Variants in EDA observed in about 807,000 individuals in gnomAD.
EDA encodes the protein ectodysplasin-A.
In EDA, 2 loss-of-function variants were observed where a neutral mutation model predicts 23.6. That is an observed-to-expected ratio of 0.08 (90% CI 0.03 to 0.27). The LOEUF (loss-of-function observed/expected upper bound fraction) is 0.27, where lower values mean the gene tolerates loss of function less well. Among genes scored for constraint, EDA ranks in the 10% least tolerant of loss-of-function variants. The pLI is 1.00. For missense variants in EDA, 229 were observed against 324.2 expected (o/e 0.71, Z 2.26); for synonymous variants, 131 against 132.0 (o/e 0.99, Z 0.05).
chrX:69,884,178 T>A (rs1315553005), intron 1 of EDA, among the ~76,000 whole-genome samples: 1 of 112,290 alleles, frequency 8.9e-6, no homozygotes, highest in Non-Finnish European at 1.9e-5. Flanking sequence ...TAGTAGTAGT[T>A]GACATATTTC....
chrX:69,882,672 C>T (rs1175654826), intron 1 of EDA, among the ~76,000 whole-genome samples: 1 of 107,160 alleles, frequency 9.3e-6, no homozygotes, highest in African/African-American at 3.4e-5. Context: ...ACACTGGTGG[C>T]GCATATTCAG....
chrX:69,921,377 A>G (rs997181286), intron 1 of EDA, among the ~76,000 whole-genome samples: 4 of 111,717 alleles, frequency 3.6e-5, no homozygotes, highest in African/African-American at 1.3e-4. Context: ...GTATGTATAC[A>G]CATATCTATG....
intron 1 of EDA, among the ~76,000 whole-genome samples, chrX:69,634,887 A>G: frequency 8.9e-6 from 1 of 112,271 alleles, no homozygotes. Flanking sequence ...GTAACATTGT[A>G]GTACAATGCA....
chrX:69,923,967 C>T (rs1280591176), intron 1 of EDA, among the ~76,000 whole-genome samples: 2 of 111,314 alleles, frequency 1.8e-5, no homozygotes, highest in Non-Finnish European at 3.8e-5. Context: ...ATGTAAATGT[C>T]TTCTTTTGAG....
At chrX:69,665,110 C>T (rs1933638854) in intron 1 of EDA, among the ~76,000 whole-genome samples, 1 of 111,679 alleles carries the variant, frequency 9.0e-6, no homozygotes, top group Non-Finnish European at 1.9e-5. Flanking sequence ...TTTATGTATT[C>T]TTTAAAGAAA....
intron 1 of EDA, among the ~76,000 whole-genome samples, chrX:69,701,616 G>A (rs2011535610): frequency 8.9e-6 from 1 of 111,810 alleles, no homozygotes; most frequent in African/African-American, 3.3e-5. Flanking sequence ...TGAAGCTTGC[G>A]CCAGATATCG....
intron 1 of EDA, among the ~76,000 whole-genome samples, chrX:69,751,214 A>AC (rs2013839773): frequency 7.3e-3 from 1 of 137 alleles, no homozygotes; most frequent in South Asian, 0.091. Flanking sequence ...AGGTGTAAGG[A>AC]AGGATCCAGT....
At chrX:69,930,165 A>G (rs1465643472) in intron 1 of EDA, among the ~76,000 whole-genome samples, 3 of 111,922 alleles carry the variant, frequency 2.7e-5, no homozygotes, top group African/African-American at 9.7e-5. Flanking sequence ...TAGAGCAAGT[A>G]ACTAGCAAAC....
intron 1 of EDA, among the ~76,000 whole-genome samples, chrX:69,710,901 A>T (rs2011989441): frequency 9.0e-6 from 1 of 111,704 alleles, no homozygotes; most frequent in Non-Finnish European, 1.9e-5. Flanking sequence ...GGCTGAGAAG[A>T]TGGGGTTTTC....
At chrX:69,987,289 TAAAAA>T (rs1325490950) in intron 2 of EDA, among the ~76,000 whole-genome samples, 1 of 86,304 alleles carries the variant, frequency 1.2e-5, no homozygotes, top group Non-Finnish European at 2.2e-5. Context: ...AAAAAAAAAT[TAAAAA>T]AAAAAATTTT....
intron 1 of EDA, among the ~76,000 whole-genome samples, chrX:69,914,900 T>C (rs901613743): frequency 1.8e-5 from 2 of 111,944 alleles, no homozygotes; most frequent in African/African-American, 6.5e-5. Flanking sequence ...TTCTAATCTT[T>C]TTTAGGTTTC....
At chrX:69,926,643 G>T (rs1432753771) in intron 1 of EDA, among the ~76,000 whole-genome samples, 12 of 111,878 alleles carry the variant, frequency 1.1e-4, no homozygotes, top group Non-Finnish European at 2.3e-4. Flanking sequence ...GTTGATTTGG[G>T]GTGAAGAATT....
chrX:69,842,100 A>G (rs185338613), intron 1 of EDA, among the ~76,000 whole-genome samples: 2 of 112,115 alleles, frequency 1.8e-5, no homozygotes, highest in African/African-American at 6.5e-5. Context: ...GAGTAAGGGA[A>G]GCTTCATGTG....
chrX:69,825,572 A>G (rs1340725548), intron 1 of EDA, among the ~76,000 whole-genome samples: 1 of 112,043 alleles, frequency 8.9e-6, no homozygotes, highest in African/African-American at 3.3e-5. Flanking sequence ...TATTGCGTCT[A>G]TTTGATTCTT....
chrX:69,869,046 G>A (rs749777643), intron 1 of EDA, among the ~76,000 whole-genome samples: 4 of 111,932 alleles, frequency 3.6e-5, no homozygotes, highest in Non-Finnish European at 7.5e-5. Context: ...TCCCGCCACT[G>A]ATGCAATATT....
intron 1 of EDA, 28 bp downstream of exon 1, chrX:69,616,732 G>A (rs1179282008): frequency 1.7e-6 from 2 of 1,210,780 alleles, no homozygotes; most frequent in African/African-American, 3.5e-5. Context: ...GGCGGCGGCG[G>A]CCCCCTCCCC....
chrX:69,814,727 A>C (rs769781918), intron 1 of EDA, among the ~76,000 whole-genome samples: 4 of 112,064 alleles, frequency 3.6e-5, no homozygotes, highest in Non-Finnish European at 7.5e-5. Context: ...GTGACAGCCC[A>C]CACAGGAGCA....
intron 2 of EDA, among the ~76,000 whole-genome samples, chrX:69,979,361 T>G (rs6624454): frequency 0.089 from 9,986 of 111,857 alleles, 853 homozygotes; most frequent in East Asian, 0.61. Context: ...GAACATTCAT[T>G]TACAAGATTT....
intron 1 of EDA, among the ~76,000 whole-genome samples, chrX:69,728,009 C>T (rs945203502): frequency 2.7e-5 from 3 of 110,850 alleles, no homozygotes; most frequent in Admixed American, 9.6e-5. Flanking sequence ...CTTTGGGAGG[C>T]GGAGGTGGGC....
Sources: gnomAD v4.1 joint callset for allele counts (sites outside exome capture counted in the v4.1 genomes callset) on GRCh38, gnomAD v4.1.1 for gene constraint, MANE v1.5 for transcripts, NCBI Gene and HGNC (gene_info 2026-07-23, HGNC 2026-07-21) for gene names.